Variants in ZNF207 observed in about 807,000 individuals in gnomAD.
ZNF207 encodes the protein zinc finger protein 207.
ZNF207 carries 24 observed loss-of-function variants against 60.2 expected under a neutral mutation model. The ratio of observed to expected loss-of-function variants is 0.40; its 90% CI spans 0.29 to 0.56. ZNF207 has a LOEUF of 0.56. ZNF207 is among the 20% of genes least tolerant of loss of function. The probability of loss-of-function intolerance (pLI) is 0.49; values close to 1 mark genes in which losing one functional copy is unlikely to be tolerated. For synonymous variants in ZNF207, 236 were observed against 194.7 expected (o/e 1.21, Z -1.77); for missense variants, 452 against 636.6 (o/e 0.71, Z 3.12).
chr17:32,351,529 G>A, intron 1 of ZNF207: 1 of 1,520,600 alleles, frequency 6.6e-7, no homozygotes, highest in Admixed American at 2.1e-5. Flanking sequence ...TTAAACACAG[G>A]AATTTGACAA....
chr17:32,368,183 G>C, intron 10 of ZNF207, 169 bp downstream of exon 10: 2 of 972,978 alleles, frequency 2.1e-6, no homozygotes, highest in Non-Finnish European at 2.9e-6. Flanking sequence ...AATACTTAAA[G>C]TGGACAGATA....
At position 32,367,684 on chromosome 17, in the gene ZNF207, T is replaced by C. The variant is rs1905267325; in HGVS notation, c.922-88T>C. On this transcript the variant is annotated intron_variant, in intron 9 of 11. Transcript: ENST00000394670. ...ATTTAAAGTTTGGTCCTTTATTTAA[T>C]GTTGATGCCTTGTTTTAAGTTAAAC... 5 of 1,513,474 alleles carry C rather than the reference T, an allele frequency of 3.3e-6. No homozygotes were observed. In the African/African-American group the frequency reaches 7.0e-5, roughly 21 times the overall value. The allele number at this position is 1,513,474 out of a possible 1,614,324, so 93.8% of individuals were successfully genotyped here.
At position 32,353,267 on chromosome 17, in the gene ZNF207, A is replaced by G. The variant is rs550481996; in HGVS notation, c.168+1355A>G. Among the ~76,000 whole-genome samples, 8 of 152,268 alleles carry G rather than the reference A, an allele frequency of 5.3e-5. No homozygotes were observed. In the South Asian group the frequency reaches 1.7e-3, roughly 32 times the overall value. ...AATTTATATTTTTTAAGATCTAGTA[A>G]GTACCTTCATGTCTCATTCAACATT... On this transcript the variant is annotated intron_variant, in intron 2 of 11. Coordinates refer to ENST00000394670, the MANE Select transcript of ZNF207 (RefSeq NM_001098507.2).
Position 32,367,761 on chromosome 17 carries a change from G to A in ZNF207, c.922-11G>A. ...TTTGAAGTTTCGTTGATGAAGTATT[G>A]TATTTTACAGGCTCAGGCAGCTGTC... On this transcript the variant is annotated splice_polypyrimidine_tract_variant and intron_variant, in intron 9 of 11. Coordinates refer to ENST00000394670, the MANE Select transcript of ZNF207 (RefSeq NM_001098507.2). The A allele has an allele frequency of 6.2e-7, 1 of 1,613,404 alleles. No homozygotes were observed. Among genetic ancestry groups the A allele is most frequent in the Non-Finnish European group, 8.5e-7 (1 of 1,179,732 alleles).
Position 32,357,797 on chromosome 17 carries a change from T to C in ZNF207, c.169-706T>C, listed in dbSNP as rs537469515. 6.6e-5 allele frequency among the ~76,000 whole-genome samples: 10 copies of C among 151,960 alleles called. No individual in the cohort carries two copies. In the East Asian group the frequency reaches 1.7e-3, roughly 27 times the overall value. ...ATTATGGGTGTGCACCACCACGCCC[T>C]GCTAATTTTTTTTTTGTTTTTTTTG... is the stretch of plus-strand genomic sequence containing the variant. On this transcript the variant is annotated intron_variant, in intron 2 of 11. Coordinates refer to ENST00000394670, the MANE Select transcript of ZNF207 (RefSeq NM_001098507.2).
Position 32,379,242 on chromosome 17 carries a change from A to C in ZNF207, c.*9483A>C, listed in dbSNP as rs577316062. On this transcript the variant is annotated 3_prime_UTR_variant, in exon 12 of 12. Transcript: ENST00000394670. ...ACTGTTTTATACTTTTATATATTATAATTTTATCTTCTAAAATTAACTGAA... is the reference window on the plus strand; with the variant it reads ...ACTGTTTTATACTTTTATATATTATCATTTTATCTTCTAAAATTAACTGAA... 5.5e-4 allele frequency: 83 copies of C among 152,164 alleles called. No homozygotes were observed. The highest frequency in any genetic ancestry group is 1.9e-3 in the African/African-American group (77 of 41,566). The allele number at this position is 152,164 out of a possible 1,614,324, so 9.4% of individuals were successfully genotyped here.
Position 32,369,564 on chromosome 17 carries a change from A to G in ZNF207, c.1325-35A>G, listed in dbSNP as rs139951396. ...CACTTAAAAGTACAATGCGTTAACA[A>G]TCTATTTTTTTGTGTTTGAAATTCT... On this transcript the variant is annotated intron_variant, in intron 11 of 11. Coordinates refer to ENST00000394670, the MANE Select transcript of ZNF207 (RefSeq NM_001098507.2). 7.7e-4 allele frequency: 1,200 copies of G among 1,568,562 alleles called. 7 individuals are homozygous for G. Among genetic ancestry groups the G allele is most frequent in the South Asian group, 3.2e-3 (272 of 84,054 alleles).
intron 2 of ZNF207, among the ~76,000 whole-genome samples, chr17:32,354,849 C>G (rs947329215): frequency 4.6e-4 from 70 of 151,464 alleles, no homozygotes; most frequent in African/African-American, 1.6e-3. Flanking sequence ...CTCCTGACCT[C>G]CTGATCCACC....
At chr17:32,356,815 T>C (rs909293673) in intron 2 of ZNF207, among the ~76,000 whole-genome samples, 1 of 152,126 alleles carries the variant, frequency 6.6e-6, no homozygotes, top group Non-Finnish European at 1.5e-5. Flanking sequence ...ATCTGAAGAT[T>C]AGAAGCGCTT....
chr17:32,350,368 C>A lies in ZNF207; in HGVS notation c.41+42C>A, dbSNP rs562685009. On this transcript the variant is annotated intron_variant, in intron 1 of 11. Transcript: ENST00000394670. ...TGAAGTCGAGGTCGCGTTGGGGTGC[C>A]GGTTGTTGGGGCCTGGGACTAGGAG... The A allele has an allele frequency of 1.3e-4, 207 of 1,613,250 alleles. 1 individual carries two copies. In the South Asian group the frequency reaches 2.0e-3, roughly 16 times the overall value.
chr17:32,356,645 A>T (rs899730332), intron 2 of ZNF207, among the ~76,000 whole-genome samples: 1 of 152,226 alleles, frequency 6.6e-6, no homozygotes, highest in South Asian at 2.1e-4. Context: ...TATCTAAGTC[A>T]TTAGCCTAAA....
Position 32,369,960 on chromosome 17 carries a change from C to A in ZNF207, c.*201C>A. On this transcript the variant is annotated 3_prime_UTR_variant, in exon 12 of 12. Transcript: ENST00000394670. Reference sequence around the variant, plus strand: ...AAAGCAGGAACTTTTCCTGAAGTTGCAATTTATACTGTATGGCTTCTTTTT... The same window carrying A: ...AAAGCAGGAACTTTTCCTGAAGTTGAAATTTATACTGTATGGCTTCTTTTT... 2.0e-6 allele frequency: 1 copy of A among 495,270 alleles called. No individual in the cohort carries two copies. The highest frequency in any genetic ancestry group is 5.8e-4 in the Middle Eastern group (1 of 1,724). The allele number at this position is 495,270 out of a possible 1,614,324, so 30.7% of individuals were successfully genotyped here.
intron 8 of ZNF207, 57 bp from the exon 9 acceptor site, chr17:32,366,608 T>C: frequency 6.8e-7 from 1 of 1,466,538 alleles, no homozygotes; most frequent in Non-Finnish European, 9.2e-7. Context: ...ACCACATGGC[T>C]TATTTTGACC....
rs1223476941 is a variant in ZNF207 at position 32,381,129 on chromosome 17, G to A, written c.*11370G>A. Reference sequence around the variant, plus strand: ...GGTCCATTTATTTCCAAACTAGTCTGTAGTGGTTTAGAGTAAGCATTATTT... The same window carrying A: ...GGTCCATTTATTTCCAAACTAGTCTATAGTGGTTTAGAGTAAGCATTATTT... On this transcript the variant is annotated 3_prime_UTR_variant, in exon 12 of 12. Coordinates refer to ENST00000394670, the MANE Select transcript of ZNF207 (RefSeq NM_001098507.2). 1.3e-5 allele frequency: 2 copies of A among 152,170 alleles called. No homozygotes were observed. Among genetic ancestry groups the A allele is most frequent in the Admixed American group, 6.5e-5 (1 of 15,272 alleles). 9.4% of individuals were successfully genotyped at this position (152,170 alleles called of 1,614,324 possible).
At position 32,372,256 on chromosome 17, in the gene ZNF207, C is replaced by T. The variant is rs1905502490; in HGVS notation, c.*2497C>T. On this transcript the variant is annotated 3_prime_UTR_variant, in exon 12 of 12. Coordinates refer to ENST00000394670, the MANE Select transcript of ZNF207 (RefSeq NM_001098507.2). ...CATAGCTTGCAGTGAGCGGAGATCA[C>T]ACCACTGCACTCTAGCCTGGACGAC... 6.6e-6 allele frequency: 1 copy of T among 151,926 alleles called. No homozygotes were observed. The highest frequency in any genetic ancestry group is 2.4e-5 in the African/African-American group (1 of 41,330). 9.4% of individuals were successfully genotyped at this position (151,926 alleles called of 1,614,324 possible).
intron 6 of ZNF207, among the ~76,000 whole-genome samples, chr17:32,361,897 AC>A (rs965007285): frequency 2.0e-4 from 31 of 152,300 alleles, no homozygotes; most frequent in African/African-American, 7.5e-4. Context: ...TAAATCAAGA[AC>A]TGAATTTACC....
chr17:32,367,438 A>G (rs1301803381), intron 9 of ZNF207, among the ~76,000 whole-genome samples: 1 of 151,494 alleles, frequency 6.6e-6, no homozygotes, highest in South Asian at 2.1e-4. Flanking sequence ...AATAGAACAC[A>G]TGCTATTCTA....
chr17:32,358,586 T>C lies in ZNF207; in HGVS notation c.252T>C (p.Gly84=). ...AGTTGGAAATATATGGTATGGAAGG[T>C]ATTCCAGAAAAAGACATGGATGAAA... ...DIELEIYGME[G]IPEKDMDERR... Residue 84 remains glycine, a synonymous_variant, in exon 3 of 12, where the codon GGT becomes GGC. Coordinates refer to ENST00000394670, the MANE Select transcript of ZNF207 (RefSeq NM_001098507.2). 1 of 1,548,490 alleles carries C rather than the reference T, an allele frequency of 6.5e-7. No homozygotes were observed. Among genetic ancestry groups the C allele is most frequent in the East Asian group, 2.5e-5 (1 of 40,284 alleles).
intron 8 of ZNF207, chr17:32,365,712 A>G (rs1206723004): frequency 1.2e-5 from 3 of 242,590 alleles, no homozygotes; most frequent in African/African-American, 2.3e-5. Context: ...TTACTTTTTC[A>G]TAGCTGTGAA....
Sources: allele counts gnomAD v4.1 joint callset (sites outside exome capture counted in the v4.1 genomes callset), GRCh38; gene constraint gnomAD v4.1.1; transcripts MANE v1.5; gene names NCBI Gene and HGNC (gene_info 2026-07-23, HGNC 2026-07-21).